The following APBA2 variants were observed in gnomAD, a reference collection of about 807,000 sequenced individuals.
APBA2 encodes amyloid beta precursor protein binding family A member 2.
A neutral mutation model predicts 75.0 loss-of-function variants in APBA2; 30 were observed. The ratio of observed to expected loss-of-function variants is 0.40; its 90% CI spans 0.30 to 0.54. APBA2 has a LOEUF of 0.54. Among genes scored for constraint, APBA2 ranks in the 20% least tolerant of loss-of-function variants. The pLI is 0.49. For synonymous variants in APBA2, 444 were observed against 409.6 expected (o/e 1.08, Z -1.01); for missense variants, 801 against 1,016.1 (o/e 0.79, Z 2.88).
chr15:29,027,716 C>T (rs1289342339), intron 3 of APBA2, among the ~76,000 whole-genome samples: 1 of 152,024 alleles, frequency 6.6e-6, no homozygotes, highest in African/African-American at 2.4e-5. Flanking sequence ...ATTCTCCTGC[C>T]TCAGCCCACC....
chr15:28,900,423 CCACT>C (rs1197497711), intron 1 of APBA2, among the ~76,000 whole-genome samples: 1 of 152,212 alleles, frequency 6.6e-6, no homozygotes, highest in Admixed American at 6.5e-5. Context: ...ACTGCCCTGG[CCACT>C]CACTCAGGTC....
At chr15:28,919,874 G>A (rs1308095419) in intron 1 of APBA2, among the ~76,000 whole-genome samples, 2 of 152,180 alleles carry the variant, frequency 1.3e-5, no homozygotes, top group Admixed American at 6.5e-5. Context: ...CTTGAGCATG[G>A]CTGTGGGTGC....
intron 6 of APBA2, among the ~76,000 whole-genome samples, chr15:29,081,421 G>A (rs899651445): frequency 7.2e-5 from 11 of 152,168 alleles, no homozygotes; most frequent in Admixed American, 1.3e-4. Flanking sequence ...GGGATTCGTC[G>A]TTTTAAAATC....
intron 3 of APBA2, among the ~76,000 whole-genome samples, chr15:29,032,296 T>G (rs531106291): frequency 2.0e-5 from 3 of 152,328 alleles, no homozygotes; most frequent in South Asian, 2.1e-4. Context: ...ATAGTAGACC[T>G]TGAGTAAAGC....
At chr15:29,025,922 G>C (rs1459953636) in intron 3 of APBA2, among the ~76,000 whole-genome samples, 1 of 149,244 alleles carries the variant, frequency 6.7e-6, no homozygotes, top group Non-Finnish European at 1.5e-5. Flanking sequence ...CTGCACTCCA[G>C]CCTGGGCGAC....
At chr15:29,024,827 T>C (rs2040134296) in intron 3 of APBA2, among the ~76,000 whole-genome samples, 1 of 152,124 alleles carries the variant, frequency 6.6e-6, no homozygotes, top group South Asian at 2.1e-4. Flanking sequence ...AGGGGCTGCA[T>C]GGGGCTCGTG....
At chr15:28,950,141 C>T (rs2035775163) in intron 2 of APBA2, among the ~76,000 whole-genome samples, 1 of 152,112 alleles carries the variant, frequency 6.6e-6, no homozygotes, top group Non-Finnish European at 1.5e-5. Flanking sequence ...TGTGAATATC[C>T]TTCGATTTGG....
At chr15:29,101,536 A>G in intron 9 of APBA2, 63 bp from the exon 10 acceptor site, 1 of 1,554,726 alleles carries the variant, frequency 6.4e-7, no homozygotes, top group Non-Finnish European at 8.7e-7. Context: ...CCAGCCCTGG[A>G]GTACTTTTCA....
chr15:28,894,110 CG>C (rs1359323655), intron 1 of APBA2: 1 of 152,146 alleles, frequency 6.6e-6, no homozygotes, highest in Non-Finnish European at 1.5e-5. Flanking sequence ...CAAAGGGGTG[CG>C]GGACACTAAC....
chr15:29,084,007 T>C (rs1486113581), intron 6 of APBA2, among the ~76,000 whole-genome samples: 1 of 152,254 alleles, frequency 6.6e-6, no homozygotes, highest in African/African-American at 2.4e-5. Flanking sequence ...AACACATATC[T>C]TGTTTGTCTG....
intron 2 of APBA2, among the ~76,000 whole-genome samples, chr15:28,993,284 C>T (rs2038334977): frequency 6.6e-6 from 1 of 152,214 alleles, no homozygotes; most frequent in South Asian, 2.1e-4. Context: ...TCGAATCACA[C>T]AGCCGTGCTT....
In APBA2 at chr15:28,960,979, G is replaced by C. The variant is rs553650126; in HGVS notation, c.-94-34774G>C. On this transcript the variant is annotated intron_variant, in intron 2 of 14. Coordinates refer to ENST00000683413, the MANE Select transcript of APBA2 (RefSeq NM_001353788.2). ...TCTCCATGTTGGTCAGGCTGGTCTC[G>C]AACTCCCGACCTCAGGTGATTCACC... is the stretch of plus-strand genomic sequence containing the variant. Among the ~76,000 whole-genome samples the C allele has an allele frequency of 2.0e-3, 299 of 151,818 alleles. 1 individual carries two copies. Among genetic ancestry groups the C allele is most frequent in the African/African-American group, 6.8e-3 (283 of 41,402 alleles).
At chr15:29,108,499 G>T (rs555311333) in intron 13 of APBA2, 110 bp downstream of exon 13, 1 of 1,563,436 alleles carries the variant, frequency 6.4e-7, no homozygotes, top group African/African-American at 1.3e-5. Flanking sequence ...GTAGGACCTG[G>T]CCTGTGGTTG....
Position 28,918,836 on chromosome 15 carries a change from G to A in APBA2, c.-204-2804G>A, listed in dbSNP as rs2033816733. Among the ~76,000 whole-genome samples, 1 of 152,058 alleles carries A rather than the reference G, an allele frequency of 6.6e-6. No homozygotes were observed. The highest frequency in any genetic ancestry group is 1.5e-5 in the Non-Finnish European group (1 of 68,002). ...ACTCACTGCGAGGCTGGGCAGGGCC[G>A]CTTGCCAGTTAATTGTGGGGATTAT... is the stretch of plus-strand genomic sequence containing the variant. On this transcript the variant is annotated intron_variant, in intron 1 of 14. Transcript: ENST00000683413. The surrounding 1 kb of genome is among the most constrained non-coding windows in gnomAD (Gnocchi z 4.2).
intron 1 of APBA2, among the ~76,000 whole-genome samples, chr15:28,890,483 G>GACTCCCAGCCCAGGGCTCCCAGCC: frequency 6.6e-6 from 1 of 152,176 alleles, no homozygotes; most frequent in South Asian, 2.1e-4. Context: ...TGTAATGTCA[G>GACTCCCAGCCCAGGGCTCCCAGCC]ACTCTGTCCC....
At chr15:29,004,810 G>C (rs1192486296) in intron 3 of APBA2, among the ~76,000 whole-genome samples, 2 of 152,114 alleles carry the variant, frequency 1.3e-5, no homozygotes, top group Admixed American at 1.3e-4. Context: ...CTCCCGAGTA[G>C]CTGGGATTAT....
At chr15:29,083,035 C>G (rs2043148741) in intron 6 of APBA2, among the ~76,000 whole-genome samples, 1 of 151,812 alleles carries the variant, frequency 6.6e-6, no homozygotes, top group South Asian at 2.1e-4. Context: ...GTGCTCCAGC[C>G]TGGGCAACAG....
chr15:28,932,069 GTT>G (rs1427410437), intron 2 of APBA2, among the ~76,000 whole-genome samples: 1 of 152,180 alleles, frequency 6.6e-6, no homozygotes, highest in Non-Finnish European at 1.5e-5. Context: ...ACAGGCCACA[GTT>G]GCCTAGACCG....
rs550339612 is a variant in APBA2, at chr15:28,967,470, G to A, written c.-94-28283G>A. ...TTTATTTATTTTGAGATGGAGTCTCGCTCTGTCACCTAGGCTGGAGTGCAG... is the reference window on the plus strand; with the variant it reads ...TTTATTTATTTTGAGATGGAGTCTCACTCTGTCACCTAGGCTGGAGTGCAG... On this transcript the variant is annotated intron_variant, in intron 2 of 14. Coordinates refer to ENST00000683413, the MANE Select transcript of APBA2 (RefSeq NM_001353788.2). Among the ~76,000 whole-genome samples the A allele has an allele frequency of 1.3e-4, 19 of 152,000 alleles. No individual in the cohort carries two copies. In the East Asian group the frequency reaches 3.1e-3, roughly 25 times the overall value.
Sources: allele counts gnomAD v4.1 joint callset (sites outside exome capture counted in the v4.1 genomes callset), GRCh38; gene constraint gnomAD v4.1.1; non-coding constraint Gnocchi (gnomAD v3.1); transcripts MANE v1.5; gene names NCBI Gene and HGNC (gene_info 2026-07-23, HGNC 2026-07-21).